Variants in RAD51B observed in about 807,000 individuals in gnomAD.
RAD51B encodes the protein DNA repair protein RAD51 homolog 2.
RAD51B carries 38 observed loss-of-function variants against 42.2 expected under a neutral mutation model. That is an observed-to-expected ratio of 0.90 (90% CI 0.70 to 1.18). The LOEUF (loss-of-function observed/expected upper bound fraction) is 1.18, where lower values mean the gene tolerates loss of function less well. Ranked by LOEUF, RAD51B falls within the 50% of genes most tolerant of loss-of-function variation. The pLI, the probability that RAD51B is intolerant of heterozygous loss-of-function variation, is 0.00. For missense variants in RAD51B, 373 were observed against 400.7 expected (o/e 0.93, Z 0.59); for synonymous variants, 154 against 145.2 (o/e 1.06, Z -0.43).
chr14:68,068,132 A>G (rs535883910), intron 7 of RAD51B, among the ~76,000 whole-genome samples: 5 of 152,196 alleles, frequency 3.3e-5, no homozygotes, highest in African/African-American at 1.2e-4. Flanking sequence ...TTTTTTTAAA[A>G]CCAGCTTTTA....
At chr14:67,840,090 C>T (rs1377176852) in intron 4 of RAD51B, among the ~76,000 whole-genome samples, 2 of 152,080 alleles carry the variant, frequency 1.3e-5, no homozygotes, top group Non-Finnish European at 2.9e-5. Flanking sequence ...AAATGTTGCA[C>T]GTGTGCTTGA....
intron 8 of RAD51B, among the ~76,000 whole-genome samples, chr14:68,385,282 A>G (rs1193320132): frequency 1.3e-5 from 2 of 152,174 alleles, no homozygotes; most frequent in Non-Finnish European, 2.9e-5. Flanking sequence ...AGCCCCTGGC[A>G]ACAGAAATTG....
chr14:67,948,280 A>G (rs1239594559), intron 7 of RAD51B, among the ~76,000 whole-genome samples: 1 of 152,196 alleles, frequency 6.6e-6, no homozygotes, highest in African/African-American at 2.4e-5. Context: ...TTAAGTTCAG[A>G]GAGGAGACAT....
At chr14:67,825,653 C>T (rs1218663807) in intron 3 of RAD51B, 76 bp downstream of exon 3, 20 of 1,090,902 alleles carry the variant, frequency 1.8e-5, no homozygotes, top group Non-Finnish European at 2.6e-5. Context: ...AGGGATGAGG[C>T]ACATGCAGAA....
chr14:68,532,217 A>C (rs1887356162), intron 10 of RAD51B, among the ~76,000 whole-genome samples: 1 of 152,192 alleles, frequency 6.6e-6, no homozygotes, highest in South Asian at 2.1e-4. Context: ...ATTAAGCCTA[A>C]AAAAAGCAGA....
At chr14:68,502,813 C>A (rs1345263577) in intron 10 of RAD51B, among the ~76,000 whole-genome samples, 1 of 152,158 alleles carries the variant, frequency 6.6e-6, no homozygotes, top group Non-Finnish European at 1.5e-5. Context: ...ACCTGGGAGA[C>A]AAGAATCCTC....
At chr14:68,643,110 G>C (rs1477710151) in intron 10 of RAD51B, among the ~76,000 whole-genome samples, 6 of 95,548 alleles carry the variant, frequency 6.3e-5, no homozygotes, top group Non-Finnish European at 1.5e-4. Context: ...GAGTATTGAA[G>C]TTTTTAACTG....
chr14:68,601,655 C>A (rs553721301), intron 10 of RAD51B, among the ~76,000 whole-genome samples: 1 of 152,096 alleles, frequency 6.6e-6, no homozygotes, highest in Non-Finnish European at 1.5e-5. Flanking sequence ...TCAGCTCTGC[C>A]GCCATTCATG....
intron 7 of RAD51B, among the ~76,000 whole-genome samples, chr14:68,177,562 T>C (rs1433069572): frequency 6.6e-6 from 1 of 152,012 alleles, no homozygotes; most frequent in African/African-American, 2.4e-5. Flanking sequence ...AGTCCACTTA[T>C]GAGGAGAAAA....
At chr14:68,659,588 G>A (rs2140144750) in intron 11 of RAD51B, among the ~76,000 whole-genome samples, 1 of 152,298 alleles carries the variant, frequency 6.6e-6, no homozygotes, top group East Asian at 1.9e-4. Flanking sequence ...TGAGAGCCTG[G>A]GCAACCTCAG....
At chr14:68,214,031 T>TA (rs2079764384) in intron 7 of RAD51B, among the ~76,000 whole-genome samples, 1 of 152,198 alleles carries the variant, frequency 6.6e-6, no homozygotes, top group Non-Finnish European at 1.5e-5. Context: ...GAATGTGGCC[T>TA]GATCTGTGGC....
At chr14:67,972,869 G>T (rs2140253653) in intron 7 of RAD51B, among the ~76,000 whole-genome samples, 1 of 152,164 alleles carries the variant, frequency 6.6e-6, no homozygotes, top group Admixed American at 6.5e-5. Flanking sequence ...ACATCTAATG[G>T]AAAGGGCATG....
chr14:68,379,817 G>C (rs1433613630), intron 8 of RAD51B, among the ~76,000 whole-genome samples: 1 of 152,216 alleles, frequency 6.6e-6, no homozygotes, highest in East Asian at 1.9e-4. Flanking sequence ...CTGTTGCTGG[G>C]CTGGTAAGCA....
chr14:68,125,749 G>GT (rs200535359), intron 7 of RAD51B, among the ~76,000 whole-genome samples: 1,443 of 141,104 alleles, frequency 0.01, 30 homozygotes, highest in African/African-American at 0.038. Context: ...TTTTTGTTTT[G>GT]TTTTGTTTTG....
intron 7 of RAD51B, among the ~76,000 whole-genome samples, chr14:67,893,497 CACACACACACACA>C (rs2043293139): frequency 1.3e-5 from 1 of 77,526 alleles, no homozygotes; most frequent in African/African-American, 6.3e-5. Context: ...CACACACACA[CACACACACACACA>C]AAAAAAAACA....
chr14:68,284,218 A>G (rs2081373988), intron 7 of RAD51B, among the ~76,000 whole-genome samples: 1 of 152,180 alleles, frequency 6.6e-6, no homozygotes, highest in Non-Finnish European at 1.5e-5. Context: ...CTCACCATAA[A>G]CACAAATTAT....
chr14:68,424,479 A>C (rs2084784562), intron 9 of RAD51B, among the ~76,000 whole-genome samples: 1 of 152,140 alleles, frequency 6.6e-6, no homozygotes, highest in Non-Finnish European at 1.5e-5. Flanking sequence ...CTGTGCCTAT[A>C]CCAAGCTGTT....
At chr14:68,292,091 A>G in intron 8 of RAD51B, 111 bp downstream of exon 8, 1 of 964,204 alleles carries the variant, frequency 1.0e-6, no homozygotes, top group East Asian at 2.5e-5. Context: ...CTGGCCAGTG[A>G]ACCCAGCCGG....
chr14:68,234,501 C>T (rs1490780692), intron 7 of RAD51B, among the ~76,000 whole-genome samples: 2 of 152,176 alleles, frequency 1.3e-5, no homozygotes, highest in African/African-American at 4.8e-5. Context: ...ATGGTATAGC[C>T]TGCTATACAC....
Sources: gnomAD v4.1 joint callset for allele counts (sites outside exome capture counted in the v4.1 genomes callset) on GRCh38, gnomAD v4.1.1 for gene constraint, MANE v1.5 for transcripts, NCBI Gene and HGNC (gene_info 2026-07-23, HGNC 2026-07-21) for gene names.